TSPAN11: variants seen among roughly 807,000 people sequenced by gnomAD.
TSPAN11 encodes tetraspanin 11, also known as tetraspanin-11.
A neutral mutation model predicts 32.9 loss-of-function variants in TSPAN11; 29 were observed. The ratio of observed to expected loss-of-function variants is 0.88; its 90% CI spans 0.66 to 1.20. The LOEUF is 1.20. Ranked by LOEUF, TSPAN11 falls within the 50% of genes most tolerant of loss-of-function variation. TSPAN11 has a pLI of 0.00. For synonymous variants in TSPAN11, 140 were observed against 141.3 expected (o/e 0.99, Z 0.07); for missense variants, 283 against 329.1 (o/e 0.86, Z 1.08).
At chr12:30,927,285 G>A (rs1937819865) in intron 1 of TSPAN11, among the ~76,000 whole-genome samples, 1 of 152,246 alleles carries the variant, frequency 6.6e-6, no homozygotes, top group Admixed American at 6.5e-5. Context: ...TTCTGGGCAC[G>A]TCTGTGTATT....
chr12:30,957,228 A>ACCCCCCC (rs56296744), intron 2 of TSPAN11, among the ~76,000 whole-genome samples: 1 of 107,406 alleles, frequency 9.3e-6, no homozygotes, highest in Non-Finnish European at 2.0e-5. Flanking sequence ...ATGGCCTGGG[A>ACCCCCCC]CCCCCCCCCC....
intron 1 of TSPAN11, among the ~76,000 whole-genome samples, chr12:30,942,208 T>G (rs1938180371): frequency 6.6e-6 from 1 of 152,206 alleles, no homozygotes; most frequent in African/African-American, 2.4e-5. Context: ...TCCTTTACCC[T>G]TGTCTGGCAC....
chr12:30,931,607 C>T (rs898256415), intron 1 of TSPAN11, among the ~76,000 whole-genome samples: 1 of 152,090 alleles, frequency 6.6e-6, no homozygotes, highest in African/African-American at 2.4e-5. Context: ...TGGCTGGGCG[C>T]GGTGGCTCAT....
intron 3 of TSPAN11, among the ~76,000 whole-genome samples, chr12:30,964,462 G>GT (rs1335966688): frequency 7.6e-6 from 1 of 132,346 alleles, no homozygotes; most frequent in Non-Finnish European, 1.7e-5. Flanking sequence ...CTCTTTCTAG[G>GT]TTTTTTTATG....
At chr12:30,981,870 C>G (rs1351998014) in intron 5 of TSPAN11, among the ~76,000 whole-genome samples, 2 of 152,344 alleles carry the variant, frequency 1.3e-5, no homozygotes, top group East Asian at 3.9e-4. Context: ...GTTCTCTCTC[C>G]TGTGTAGGAA....
rs891435294 is a variant in TSPAN11, at chr12:30,982,647, G to A, written c.572G>A (p.Arg191His). The change falls in exon 6 of 8, where the codon CGC (arginine) becomes CAC (histidine). Residue 191 changes from arginine (R) to histidine (H), a missense_variant. Coordinates refer to ENST00000546076, the MANE Select transcript of TSPAN11 (RefSeq NM_001370302.1). ...PDSCCKTVVV[R>H]CGQRAHPSNI... The stretch of plus-strand genomic sequence containing the variant: ...AGCTGCTGCAAGACAGTGGTGGTGC[G>A]CTGCGGCCAGCGGGCCCACCCCTCC... The A allele has an allele frequency of 4.4e-5, 70 of 1,605,728 alleles. No homozygotes were observed. Among genetic ancestry groups the A allele is most frequent in the African/African-American group, 6.7e-5 (5 of 74,742 alleles).
At chr12:30,988,906 C>T (rs562181939) in intron 7 of TSPAN11, among the ~76,000 whole-genome samples, 1 of 152,372 alleles carries the variant, frequency 6.6e-6, no homozygotes, top group East Asian at 1.9e-4. Flanking sequence ...AGGCACTCCA[C>T]TTTGAGGTAA....
intron 1 of TSPAN11, among the ~76,000 whole-genome samples, chr12:30,938,114 A>G (rs1356136254): frequency 6.6e-6 from 1 of 152,164 alleles, no homozygotes; most frequent in Non-Finnish European, 1.5e-5. Flanking sequence ...AAGGGGAGAA[A>G]ATCTTCTGGG....
At chr12:30,981,074 G>C (rs1287378303) in intron 5 of TSPAN11, among the ~76,000 whole-genome samples, 2 of 152,206 alleles carry the variant, frequency 1.3e-5, no homozygotes, top group Non-Finnish European at 2.9e-5. Context: ...GGGAGTGGCA[G>C]GTCAGGGCCA....
chr12:30,978,616 C>T lies in TSPAN11; in HGVS notation c.332C>T (p.Ala111Val), dbSNP rs372414506. ...FLVELVAGVL[A>V]HVYYQRLSDE... ...GTTGAGCTGGTGGCGGGAGTCCTGG[C>T]CCATGTGTATTACCAGAGGGTAAGT... is the stretch of plus-strand genomic sequence containing the variant. The change falls in exon 4 of 8, where the codon GCC (alanine) becomes GTC (valine). Residue 111 changes from alanine to valine, a missense_variant. By Grantham distance (64) the Ala-to-Val change is moderately conservative. Coordinates refer to ENST00000546076, the MANE Select transcript of TSPAN11 (RefSeq NM_001370302.1). 98 of 1,614,046 alleles carry T rather than the reference C, an allele frequency of 6.1e-5. No individual in the cohort carries two copies. The highest frequency in any genetic ancestry group is 8.0e-5 in the Non-Finnish European group (94 of 1,180,014).
chr12:30,960,217 G>GCTC (rs1308266442), intron 2 of TSPAN11, among the ~76,000 whole-genome samples: 1 of 151,850 alleles, frequency 6.6e-6, no homozygotes, highest in Non-Finnish European at 1.5e-5. Context: ...CCATGGGTGA[G>GCTC]CTCCTGTCCA....
chr12:30,989,783 T>C (rs1172922611), intron 7 of TSPAN11, among the ~76,000 whole-genome samples: 2 of 152,232 alleles, frequency 1.3e-5, no homozygotes, highest in Non-Finnish European at 2.9e-5. Flanking sequence ...CCTTCCTTCA[T>C]GCTCTCTGCT....
rs769762976 is a variant in TSPAN11, at chr12:30,963,820, C to T, written c.85-6C>T. 2.5e-6 allele frequency: 4 copies of T among 1,605,554 alleles called. No individual in the cohort carries two copies. In the East Asian group the frequency reaches 6.7e-5, roughly 27 times the overall value. On this transcript the variant is annotated splice_region_variant and splice_polypyrimidine_tract_variant and intron_variant, in intron 2 of 7. Coordinates refer to ENST00000546076, the MANE Select transcript of TSPAN11 (RefSeq NM_001370302.1). The stretch of plus-strand genomic sequence containing the variant: ...CCCCCTGCTCTAACCCGGTGGTCTC[C>T]TGCAGGTCGGGGGAGCAGCCGTCCT...
At chr12:30,959,126 G>T (rs1242420982) in intron 2 of TSPAN11, among the ~76,000 whole-genome samples, 5 of 152,148 alleles carry the variant, frequency 3.3e-5, no homozygotes, top group African/African-American at 1.2e-4. Flanking sequence ...GCCCTCTACA[G>T]AGCCTCATCC....
chr12:30,982,449 T>C, intron 5 of TSPAN11, 83 bp from the exon 6 acceptor site: 1 of 1,511,664 alleles, frequency 6.6e-7, no homozygotes, highest in South Asian at 1.3e-5. Context: ...GGGGTTGGGT[T>C]AGTATTTGAA....
intron 3 of TSPAN11, among the ~76,000 whole-genome samples, chr12:30,972,460 T>C (rs1938870643): frequency 6.6e-6 from 1 of 151,226 alleles, no homozygotes; most frequent in South Asian, 2.1e-4. Flanking sequence ...GAGCTGAGAG[T>C]GTTGGTGGCT....
chr12:30,945,767 A>T (rs1378070072), intron 1 of TSPAN11, among the ~76,000 whole-genome samples: 4 of 151,896 alleles, frequency 2.6e-5, no homozygotes, highest in Non-Finnish European at 5.9e-5. Flanking sequence ...AAGTCGCCAA[A>T]ATCCATCACC....
At chr12:30,926,928 C>A (rs1592453787) in intron 1 of TSPAN11, 132 bp downstream of exon 1, 1 of 1,281,782 alleles carries the variant, frequency 7.8e-7, no homozygotes, top group Non-Finnish European at 1.0e-6. Flanking sequence ...TTCCCCCGGG[C>A]GGGCAGAGGG....
rs3741868 is a variant in TSPAN11 at position 30,992,149 on chromosome 12, G to A, written c.*234G>A. The A allele has an allele frequency of 0.071, 41,851 of 591,050 alleles. 1,719 individuals are homozygous for A. The highest frequency in any genetic ancestry group is 0.14 in the East Asian group (4,785 of 35,380). The allele number at this position is 591,050 out of a possible 1,614,324, so 36.6% of individuals were successfully genotyped here. A position where few individuals can be genotyped will look rare whatever the true frequency, so the allele number is the denominator to read the frequency against. ...AGCCCCCATGGCCAGATCCTGGGCA[G>A]GGAAATGATCCTTTCAGGAGACAAC... On this transcript the variant is annotated 3_prime_UTR_variant, in exon 8 of 8. Transcript: ENST00000546076.
Sources: gnomAD v4.1 joint callset for allele counts (sites outside exome capture counted in the v4.1 genomes callset) on GRCh38, gnomAD v4.1.1 for gene constraint, MANE v1.5 for transcripts, NCBI Gene and HGNC (gene_info 2026-07-23, HGNC 2026-07-21) for gene names.